The following LRRTM1 variants were observed in gnomAD, a reference collection of about 807,000 sequenced individuals.
LRRTM1 encodes leucine-rich repeat transmembrane neuronal protein 1.
Under a neutral mutation model 37.3 loss-of-function variants are expected in LRRTM1, and 8 were observed. The observed-to-expected ratio is 0.21, with a 90% CI of 0.13 to 0.39. LRRTM1 has a LOEUF of 0.39. LRRTM1 is among the 10% of genes least tolerant of loss of function. The probability of loss-of-function intolerance (pLI) is 1.00; values close to 1 mark genes in which losing one functional copy is unlikely to be tolerated. For missense variants in LRRTM1, 557 were observed against 691.0 expected, an observed-to-expected ratio of 0.81 and a Z score of 2.17; for synonymous variants, 326 against 316.8, an observed-to-expected ratio of 1.03 and a Z score of -0.31.
At chr2:80,293,975 G>A (rs972840105) in intron 2 of LRRTM1, among the ~76,000 whole-genome samples, 1 of 152,206 alleles carries the variant, frequency 6.6e-6, no homozygotes, top group Non-Finnish European at 1.5e-5. Flanking sequence ...ACTTCAGTGG[G>A]AGGAGGTGTA....
Position 80,303,338 on chromosome 2 carries a change from C to G in LRRTM1, c.482G>C (p.Arg161Pro). 6.2e-7 allele frequency: 1 copy of G among 1,613,966 alleles called. No individual in the cohort carries two copies. The highest frequency in any genetic ancestry group is 8.5e-7 in the Non-Finnish European group (1 of 1,180,042). The change falls in exon 2 of 2, where the codon CGG (arginine) becomes CCG (proline). Residue 161 changes from arginine to proline, a missense_variant. By Grantham distance (103) the Arg-to-Pro change is moderately radical. This residue lies in a region of LRRTM1 where 38 missense variants were observed against 72.9 expected (regional missense o/e 0.52). Coordinates refer to ENST00000295057, the MANE Select transcript of LRRTM1 (RefSeq NM_178839.5). The surrounding 1 kb of genome is among the most constrained non-coding windows in gnomAD (Gnocchi z 7.7). ...ALAPDLFHGL[R>P]KLTTLHMRAN... Reference sequence around the variant, plus strand: ...CCGCATATGCAGCGTGGTGAGCTTCCGCAGCCCGTGGAAGAGGTCGGGCGC... The same window carrying G: ...CCGCATATGCAGCGTGGTGAGCTTCGGCAGCCCGTGGAAGAGGTCGGGCGC...
In LRRTM1 at chr2:80,302,584, A is replaced by G. The variant is rs1676437110; in HGVS notation, c.1236T>C (p.Ala412=). 1 of 1,607,106 alleles carries G rather than the reference A, an allele frequency of 6.2e-7. No individual in the cohort carries two copies. The highest frequency in any genetic ancestry group is 8.5e-7 in the Non-Finnish European group (1 of 1,179,026). Residue 412 remains alanine (A), a synonymous_variant, in exon 2 of 2, where the codon GCT becomes GCC. Coordinates refer to ENST00000295057, the MANE Select transcript of LRRTM1 (RefSeq NM_178839.5). The surrounding 1 kb of genome is among the most constrained non-coding windows in gnomAD (Gnocchi z 6.4). ...HDGTFEPATV[A]LPGGEHAENA... ...TCTCGGCGTGCTCGCCGCCTGGAAG[A>G]GCCACGGTGGCAGGCTCGAATGTGC...
intron 2 of LRRTM1, chr2:80,289,306 A>G (rs1389337899): frequency 1.3e-5 from 2 of 152,146 alleles, no homozygotes; most frequent in African/African-American, 2.4e-5. Flanking sequence ...CCCTCTTAAC[A>G]TTCCAGTTGC....
intron 2 of LRRTM1, among the ~76,000 whole-genome samples, chr2:80,294,277 AT>A (rs1350783757): frequency 3.3e-5 from 5 of 152,222 alleles, no homozygotes; most frequent in Admixed American, 3.3e-4. Context: ...AAAAACAAAT[AT>A]AAGAATAATT....
chr2:80,292,671 A>G (rs1675370278), intron 2 of LRRTM1, among the ~76,000 whole-genome samples: 1 of 152,228 alleles, frequency 6.6e-6, no homozygotes, highest in Non-Finnish European at 1.5e-5. Context: ...CTATGCCAGC[A>G]TAGTCCTCTT....
chr2:80,295,579 T>G (rs1254161635), intron 2 of LRRTM1, among the ~76,000 whole-genome samples: 1 of 152,224 alleles, frequency 6.6e-6, no homozygotes, highest in Non-Finnish European at 1.5e-5. Flanking sequence ...CCACTTTTGT[T>G]TCAAGTTTTA....
chr2:80,301,204 A>G (rs967826840), downstream of LRRTM1, among the ~76,000 whole-genome samples: 1 of 152,198 alleles, frequency 6.6e-6, no homozygotes, highest in African/African-American at 2.4e-5. Context: ...GAAACTAGGA[A>G]TGTGCTGTCA....
chr2:80,300,957 A>C (rs2149203535), downstream of LRRTM1, among the ~76,000 whole-genome samples: 3 of 152,206 alleles, frequency 2.0e-5, no homozygotes, highest in Middle Eastern at 6.8e-3. Flanking sequence ...CAGAAAAAAA[A>C]AAAAGGGAAA....
intron 2 of LRRTM1, among the ~76,000 whole-genome samples, chr2:80,295,903 C>T (rs1437736501): frequency 2.0e-5 from 3 of 152,206 alleles, no homozygotes; most frequent in African/African-American, 7.2e-5. Flanking sequence ...CCTCACTCAT[C>T]TGTGTTGCCT....
At chr2:80,293,317 T>C (rs747705480) in intron 2 of LRRTM1, among the ~76,000 whole-genome samples, 1 of 152,230 alleles carries the variant, frequency 6.6e-6, no homozygotes, top group Admixed American at 6.5e-5. Flanking sequence ...GAAGGCTGCC[T>C]ACAATATCTC....
At chr2:80,295,008 C>G (rs1675615245) in intron 2 of LRRTM1, among the ~76,000 whole-genome samples, 1 of 152,090 alleles carries the variant, frequency 6.6e-6, no homozygotes, top group African/African-American at 2.4e-5. Flanking sequence ...TTGAAACTCT[C>G]TCCTCTTCCT....
rs765376679 is a variant in LRRTM1 at position 80,303,783 on chromosome 2, G to GC, written c.36dup (p.Leu13AlafsTer104). 6.4e-7 allele frequency: 1 copy of GC among 1,558,426 alleles called. No individual in the cohort carries two copies. The highest frequency in any genetic ancestry group is 8.7e-7 in the Non-Finnish European group (1 of 1,153,770). On this transcript the variant is annotated frameshift_variant, in exon 2 of 2. Coordinates refer to ENST00000295057, the MANE Select transcript of LRRTM1 (RefSeq NM_178839.5). LOFTEE classifies it high-confidence loss of function. This position sits in a 1 kb window ranked among gnomAD's most constrained non-coding sequence, Gnocchi z 7.7. ...ACCACCCCCGAGGGCCTCCTCAGCA[G>GC]CCAGTATAGACAGAGACCGAGCAGC...
exon 3 of LRRTM1, chr2:80,289,046 C>T (rs926485351): frequency 6.6e-6 from 1 of 152,042 alleles, no homozygotes; most frequent in East Asian, 1.9e-4. Flanking sequence ...TAATATGATG[C>T]GATAAATGGT....
chr2:80,292,689 C>T (rs10170020), intron 2 of LRRTM1, among the ~76,000 whole-genome samples: 39,894 of 152,140 alleles, frequency 0.26, 5,957 homozygotes, highest in Non-Finnish European at 0.34. Flanking sequence ...CTTGAGAATG[C>T]CTCACCTTCG....
downstream of LRRTM1, among the ~76,000 whole-genome samples, chr2:80,300,310 G>C (rs1431860228): frequency 1.2e-4 from 18 of 151,428 alleles, no homozygotes; most frequent in South Asian, 3.6e-3. Flanking sequence ...GTGTGTGTGT[G>C]TGTGTGTGTG....
rs1186663970 is a variant in LRRTM1, at chr2:80,303,778, C to T, written c.42G>A (p.Leu14=). The T allele has an allele frequency of 2.6e-6, 4 of 1,561,838 alleles. No homozygotes were observed. The highest frequency in any genetic ancestry group is 1.9e-5 in the Admixed American group (1 of 53,104). ...LLLGLCLYWL[L]RRPSGVVLCL... is the part of the protein sequence containing the mutation. Reference sequence around the variant, plus strand: ...ACAAGACCACCCCCGAGGGCCTCCTCAGCAGCCAGTATAGACAGAGACCGA... The same window carrying T: ...ACAAGACCACCCCCGAGGGCCTCCTTAGCAGCCAGTATAGACAGAGACCGA... The change falls in exon 2 of 2, where the codon CTG becomes CTA. Residue 14 remains leucine (L), a synonymous_variant. Transcript: ENST00000295057. This position sits in a 1 kb window ranked among gnomAD's most constrained non-coding sequence, Gnocchi z 7.7.
chr2:80,295,905 G>A (rs1366311392), intron 2 of LRRTM1, among the ~76,000 whole-genome samples: 1 of 152,144 alleles, frequency 6.6e-6, no homozygotes, highest in East Asian at 1.9e-4. Flanking sequence ...TCACTCATCT[G>A]TGTTGCCTGT....
chr2:80,291,319 C>G (rs756276455), intron 2 of LRRTM1, among the ~76,000 whole-genome samples: 5 of 152,148 alleles, frequency 3.3e-5, no homozygotes, highest in Non-Finnish European at 5.9e-5. Flanking sequence ...AATTGGAGAA[C>G]TAGAAGGAAA....
rs1676504863 is a variant in LRRTM1 at position 80,302,982 on chromosome 2, G to C, written c.838C>G (p.Pro280Ala). 1 of 1,613,704 alleles carries C rather than the reference G, an allele frequency of 6.2e-7. No individual in the cohort carries two copies. The highest frequency in any genetic ancestry group is 8.5e-7 in the Non-Finnish European group (1 of 1,179,966). Residue 280 changes from proline to alanine, a missense_variant, in exon 2 of 2, where the codon CCG becomes GCG. Pro to Ala is a conservative substitution (Grantham distance 27). Transcript: ENST00000295057. The surrounding 1 kb of genome is among the most constrained non-coding windows in gnomAD (Gnocchi z 6.4). ...TCCAGCTGCAGGGACTGCAGGTGCG[G>C]CACGGTCTCGAACACATGGGGCTCC... Reference protein sequence around the residue: ...YMEPHVFETVPHLQSLQLDSN... With the variant: ...YMEPHVFETVAHLQSLQLDSN...
Sources: gnomAD v4.1 joint callset for allele counts (sites outside exome capture counted in the v4.1 genomes callset) on GRCh38, gnomAD v4.1.1 for gene constraint, gnomAD v4.1.1 regional missense constraint, Gnocchi (gnomAD v3.1) non-coding constraint, MANE v1.5 for transcripts, NCBI Gene and HGNC (gene_info 2026-07-23, HGNC 2026-07-21) for gene names.